The following PALLD variants were observed in gnomAD, a reference collection of about 807,000 sequenced individuals.
PALLD encodes the protein palladin, cytoskeletal associated protein.
A neutral mutation model predicts 123.5 loss-of-function variants in PALLD; 61 were observed. That is an observed-to-expected ratio of 0.49 (90% CI 0.40 to 0.61). The LOEUF is 0.61. Among genes scored for constraint, PALLD ranks in the 20% least tolerant of loss-of-function variants. The probability of loss-of-function intolerance (pLI) is 0.00; values close to 1 mark genes in which losing one functional copy is unlikely to be tolerated. For synonymous variants in PALLD, 465 were observed against 496.4 expected, an observed-to-expected ratio of 0.94 and a Z score of 0.84; for missense variants, 1,273 against 1,377.0, an observed-to-expected ratio of 0.92 and a Z score of 1.20.
At chr4:168,830,887 CA>C (rs1273999713) in intron 10 of PALLD, among the ~76,000 whole-genome samples, 2 of 152,178 alleles carry the variant, frequency 1.3e-5, no homozygotes, top group Non-Finnish European at 2.9e-5. Flanking sequence ...ACTGGCTATT[CA>C]AAACTAGTTA....
intron 1 of PALLD, among the ~76,000 whole-genome samples, chr4:168,499,604 T>C (rs1290426377): frequency 6.6e-6 from 1 of 152,052 alleles, no homozygotes; most frequent in Non-Finnish European, 1.5e-5. Context: ...TTTTCAAAAA[T>C]TACAAAATAA....
At position 168,695,186 on chromosome 4, in the gene PALLD, C is replaced by G. The variant is rs76988892; in HGVS notation, c.1501+3894C>G. On this transcript the variant is annotated intron_variant, in intron 8 of 21. Coordinates refer to ENST00000505667, the MANE Select transcript of PALLD (RefSeq NM_001166108.2). ...CATGCTAGATCTTGTACGGTAGAGT[C>G]TAGGCTTTGATTCTCTGATTCAAAA... Among the ~76,000 whole-genome samples the G allele has an allele frequency of 6.0e-3, 911 of 152,274 alleles. 10 individuals are homozygous for G. Among genetic ancestry groups the G allele is most frequent in the African/African-American group, 0.02 (847 of 41,552 alleles).
intron 1 of PALLD, among the ~76,000 whole-genome samples, chr4:168,506,951 G>A (rs10517997): frequency 0.39 from 59,839 of 151,818 alleles, 12,665 homozygotes; most frequent in East Asian, 0.58. Flanking sequence ...GTGATTATTC[G>A]AAGGATTCTA....
intron 2 of PALLD, among the ~76,000 whole-genome samples, chr4:168,630,533 T>G (rs945041594): frequency 1.3e-5 from 2 of 152,212 alleles, no homozygotes; most frequent in African/African-American, 4.8e-5. Context: ...AACATTTTAT[T>G]TTCACTTCAA....
chr4:168,583,138 A>G (rs1259683793), intron 2 of PALLD, among the ~76,000 whole-genome samples: 1 of 152,196 alleles, frequency 6.6e-6, no homozygotes, highest in Non-Finnish European at 1.5e-5. Context: ...GAAAAGACCA[A>G]GTAGAATATG....
At chr4:168,769,186 T>A (rs1281538108) in intron 10 of PALLD, among the ~76,000 whole-genome samples, 1 of 152,170 alleles carries the variant, frequency 6.6e-6, no homozygotes, top group African/African-American at 2.4e-5. Context: ...TGTATCCCAG[T>A]CAAATATTAA....
intron 8 of PALLD, chr4:168,700,452 A>G (rs1783568273): frequency 6.6e-6 from 1 of 152,240 alleles, no homozygotes; most frequent in Non-Finnish European, 1.5e-5. Context: ...TACACAATGA[A>G]TTCTGCTCAA....
At chr4:168,850,519 ATTTCT>A (rs1747589657) in intron 10 of PALLD, among the ~76,000 whole-genome samples, 2 of 24,696 alleles carry the variant, frequency 8.1e-5, no homozygotes, top group Non-Finnish European at 1.8e-4. Context: ...TAAGTCTGTC[ATTTCT>A]TTTTTTTTTT....
intron 8 of PALLD, among the ~76,000 whole-genome samples, chr4:168,703,896 A>G (rs1025648531): frequency 1.3e-5 from 2 of 151,282 alleles, no homozygotes; most frequent in African/African-American, 4.9e-5. Flanking sequence ...TTTGCCGTGC[A>G]GAAGCTCTTT....
chr4:168,599,405 A>G (rs1772317399), intron 2 of PALLD, among the ~76,000 whole-genome samples: 1 of 152,214 alleles, frequency 6.6e-6, no homozygotes, highest in South Asian at 2.1e-4. Context: ...AAAATTTAGA[A>G]TTAAACATCC....
chr4:168,758,200 A>AT (rs200625308), intron 10 of PALLD, among the ~76,000 whole-genome samples: 27 of 149,056 alleles, frequency 1.8e-4, no homozygotes, highest in East Asian at 7.8e-4. Context: ...CCTTCCTGCT[A>AT]TTTTTTTTTT....
At chr4:168,649,119 G>A (rs1777779968) in intron 2 of PALLD, among the ~76,000 whole-genome samples, 1 of 152,226 alleles carries the variant, frequency 6.6e-6, no homozygotes, top group African/African-American at 2.4e-5. Flanking sequence ...CTATTGCTTG[G>A]TTGTTAAGGA....
chr4:168,727,537 C>T (rs1184488826), intron 10 of PALLD, among the ~76,000 whole-genome samples: 1 of 151,934 alleles, frequency 6.6e-6, no homozygotes, highest in Non-Finnish European at 1.5e-5. Flanking sequence ...CTGTTCATGT[C>T]CTTTGCTCAT....
At chr4:168,599,520 C>A (rs570748776) in intron 2 of PALLD, among the ~76,000 whole-genome samples, 1 of 150,102 alleles carries the variant, frequency 6.7e-6, no homozygotes, top group East Asian at 1.9e-4. Flanking sequence ...TTGTTTGTAA[C>A]AGATGAAAAA....
chr4:168,762,111 A>G (rs1733027093), intron 10 of PALLD, among the ~76,000 whole-genome samples: 1 of 152,098 alleles, frequency 6.6e-6, no homozygotes, highest in South Asian at 2.1e-4. Context: ...GATTATTTTA[A>G]ATTGCTTCAT....
At chr4:168,747,647 T>A (rs1396980824) in intron 10 of PALLD, among the ~76,000 whole-genome samples, 1 of 152,214 alleles carries the variant, frequency 6.6e-6, no homozygotes, top group East Asian at 1.9e-4. Context: ...CCATGGGATA[T>A]GGAGTTGGGG....
At chr4:168,779,546 C>G (rs950980435) in intron 10 of PALLD, among the ~76,000 whole-genome samples, 1 of 151,478 alleles carries the variant, frequency 6.6e-6, no homozygotes, top group African/African-American at 2.4e-5. Flanking sequence ...CACATGTGCA[C>G]ACCCTTGCAT....
Position 168,689,432 on chromosome 4 carries a change from CTTTTTTTTT to C in PALLD, c.1336-1146_1336-1138del, listed in dbSNP as rs70961551. Among the ~76,000 whole-genome samples the C allele has an allele frequency of 1.2e-3, 60 of 49,830 alleles. No individual in the cohort carries two copies. In the East Asian group the frequency reaches 0.02, roughly 17 times the overall value. 32.7% of individuals were successfully genotyped at this position (49,830 alleles called of 152,430 possible). On this transcript the variant is annotated intron_variant, in intron 6 of 21. Transcript: ENST00000505667. The stretch of plus-strand genomic sequence containing the variant: ...TACACCTTACATTCGATCCAATATT[CTTTTTTTTT>C]TTTTTTTTTTTTTTTTTTTTTTTTG...
chr4:168,697,680 C>G (rs1047931534), intron 8 of PALLD, among the ~76,000 whole-genome samples: 6 of 152,148 alleles, frequency 3.9e-5, no homozygotes, highest in Non-Finnish European at 8.8e-5. Context: ...ATCTAGAAGT[C>G]GGCCATGTTG....
Sources: gnomAD v4.1 joint callset for allele counts (sites outside exome capture counted in the v4.1 genomes callset) on GRCh38, gnomAD v4.1.1 for gene constraint, MANE v1.5 for transcripts, NCBI Gene and HGNC (gene_info 2026-07-23, HGNC 2026-07-21) for gene names.